The following MAGI1 variants were observed in gnomAD, a reference collection of about 807,000 sequenced individuals.
The protein encoded by MAGI1 is membrane-associated guanylate kinase, WW and PDZ domain-containing protein 1.
Under a neutral mutation model 139.9 loss-of-function variants are expected in MAGI1, and 58 were observed. The observed-to-expected ratio is 0.41, with a 90% confidence interval of 0.34 to 0.52. MAGI1 has a LOEUF of 0.52. MAGI1 is among the 20% of genes least tolerant of loss of function. The pLI, the probability that MAGI1 is intolerant of heterozygous loss-of-function variation, is 0.12. For synonymous variants in MAGI1, 812 were observed against 737.9 expected, an observed-to-expected ratio of 1.10 and a Z score of -1.63; for missense variants, 1,874 against 1,901.6, an observed-to-expected ratio of 0.99 and a Z score of 0.27.
At chr3:65,660,047 C>T (rs779976462) in intron 1 of MAGI1, among the ~76,000 whole-genome samples, 5 of 152,084 alleles carry the variant, frequency 3.3e-5, no homozygotes, top group African/African-American at 7.2e-5. Context: ...AAAATGATTT[C>T]GTTATGCCAA....
intron 2 of MAGI1, among the ~76,000 whole-genome samples, chr3:65,530,026 G>A (rs2078569399): frequency 6.6e-6 from 1 of 152,032 alleles, no homozygotes; most frequent in Non-Finnish European, 1.5e-5. Context: ...ACCCATATAT[G>A]TGTGAGAGTG....
intron 12 of MAGI1, among the ~76,000 whole-genome samples, chr3:65,407,020 A>G (rs1217879400): frequency 1.3e-5 from 2 of 152,206 alleles, no homozygotes; most frequent in African/African-American, 4.8e-5. Flanking sequence ...ATAATTCTAA[A>G]TGTAGGACTT....
chr3:65,442,085 T>TC (rs1401733744), intron 8 of MAGI1, among the ~76,000 whole-genome samples: 2 of 151,626 alleles, frequency 1.3e-5, no homozygotes, highest in Non-Finnish European at 2.9e-5. Flanking sequence ...ACAAAGCTTT[T>TC]TTTTTTTTTC....
At chr3:65,559,131 AC>A (rs1293870220) in intron 2 of MAGI1, among the ~76,000 whole-genome samples, 11 of 152,246 alleles carry the variant, frequency 7.2e-5, no homozygotes, top group Non-Finnish European at 1.6e-4. Flanking sequence ...CAGTGAACTC[AC>A]AAATAAAAAA....
At chr3:65,767,860 G>A (rs190924077) in intron 1 of MAGI1, among the ~76,000 whole-genome samples, 106 of 152,294 alleles carry the variant, frequency 7.0e-4, no homozygotes, top group African/African-American at 2.4e-3. Flanking sequence ...GCAATCTGAT[G>A]TAGCTTAATG....
intron 2 of MAGI1, among the ~76,000 whole-genome samples, chr3:65,496,568 C>T (rs972564397): frequency 1.2e-4 from 18 of 152,152 alleles, no homozygotes; most frequent in African/African-American, 4.3e-4. Flanking sequence ...GTCCATAGAA[C>T]AGACATATTA....
chr3:65,510,000 A>C (rs2107745191), intron 2 of MAGI1, among the ~76,000 whole-genome samples: 1 of 152,154 alleles, frequency 6.6e-6, no homozygotes, highest in East Asian at 1.9e-4. Context: ...CTGACCCCTG[A>C]CCCCCGAGCA....
At chr3:65,736,793 T>G (rs756987673) in intron 1 of MAGI1, among the ~76,000 whole-genome samples, 4 of 152,212 alleles carry the variant, frequency 2.6e-5, no homozygotes, top group Non-Finnish European at 5.9e-5. Flanking sequence ...TTGATTCAAA[T>G]GCAAACCTCT....
intron 1 of MAGI1, among the ~76,000 whole-genome samples, chr3:65,801,759 A>G (rs1267692675): frequency 6.6e-6 from 1 of 152,178 alleles, no homozygotes; most frequent in African/African-American, 2.4e-5. Context: ...CATAGAAACA[A>G]AAACTTTTCA....
At chr3:65,906,096 G>A (rs1045916863) in intron 1 of MAGI1, among the ~76,000 whole-genome samples, 2 of 152,154 alleles carry the variant, frequency 1.3e-5, no homozygotes, top group African/African-American at 4.8e-5. Context: ...ATGCAGAAGT[G>A]TGTCATTCTT....
chr3:65,597,053 G>C (rs2082241594), intron 2 of MAGI1, among the ~76,000 whole-genome samples: 2 of 151,948 alleles, frequency 1.3e-5, no homozygotes, highest in South Asian at 4.2e-4. Flanking sequence ...GCGCTGCCCG[G>C]GGAAGCAGCT....
chr3:65,825,063 C>T (rs1028375577), intron 1 of MAGI1, among the ~76,000 whole-genome samples: 1 of 152,130 alleles, frequency 6.6e-6, no homozygotes, highest in African/African-American at 2.4e-5. Flanking sequence ...TCTTCAAAAG[C>T]GCAGACACAG....
At chr3:65,765,038 C>A (rs768038889) in intron 1 of MAGI1, among the ~76,000 whole-genome samples, 1 of 152,138 alleles carries the variant, frequency 6.6e-6, no homozygotes, top group Non-Finnish European at 1.5e-5. Flanking sequence ...AACAGTGAGG[C>A]TGATTTTCAT....
intron 1 of MAGI1, among the ~76,000 whole-genome samples, chr3:65,694,298 G>C (rs2088949454): frequency 6.6e-6 from 1 of 152,128 alleles, no homozygotes; most frequent in African/African-American, 2.4e-5. Context: ...GCACTAAGCA[G>C]TGTGCCTTGA....
chr3:65,523,299 G>A (rs762989033), intron 2 of MAGI1, among the ~76,000 whole-genome samples: 1 of 152,138 alleles, frequency 6.6e-6, no homozygotes, highest in African/African-American at 2.4e-5. Flanking sequence ...ATGAGGCCAT[G>A]CTCTAGTTTA....
At chr3:65,365,247 C>T (rs980205569) in intron 18 of MAGI1, 1 of 561,756 alleles carries the variant, frequency 1.8e-6, no homozygotes, top group Admixed American at 2.0e-5. Context: ...TTTCTCACTC[C>T]TCCCCTGCCA....
chr3:65,986,428 G>A (rs1225678050), intron 1 of MAGI1, among the ~76,000 whole-genome samples: 1 of 152,206 alleles, frequency 6.6e-6, no homozygotes, highest in Admixed American at 6.5e-5. Context: ...AGGGCCAATT[G>A]CTAAGCTCTA....
chr3:65,867,663 G>A (rs1348755594), intron 1 of MAGI1, among the ~76,000 whole-genome samples: 1 of 152,138 alleles, frequency 6.6e-6, no homozygotes, highest in Non-Finnish European at 1.5e-5. Flanking sequence ...TGAGGTGGGA[G>A]AATTACATGA....
At chr3:65,559,800 G>C (rs2080254186) in intron 2 of MAGI1, among the ~76,000 whole-genome samples, 1 of 152,158 alleles carries the variant, frequency 6.6e-6, no homozygotes, top group African/African-American at 2.4e-5. Context: ...ACTACGGGAG[G>C]CCAGCAGGAG....
Sources: gnomAD v4.1 joint callset for allele counts (sites outside exome capture counted in the v4.1 genomes callset) on GRCh38, gnomAD v4.1.1 for gene constraint, MANE v1.5 for transcripts, NCBI Gene and HGNC (gene_info 2026-07-23, HGNC 2026-07-21) for gene names.